CHD6: variants seen among roughly 807,000 people sequenced by gnomAD.
The protein encoded by CHD6 is chromodomain helicase DNA binding protein 6.
A neutral mutation model predicts 276.9 loss-of-function variants in CHD6; 50 were observed. The observed-to-expected ratio is 0.18, with a 90% CI of 0.14 to 0.23. The LOEUF is 0.23. Among genes scored for constraint, CHD6 ranks in the 10% least tolerant of loss-of-function variants. CHD6 has a pLI of 1.00. For synonymous variants in CHD6, 1,173 were observed against 1,229.3 expected, an observed-to-expected ratio of 0.95 and a Z score of 0.96; for missense variants, 2,564 against 3,365.8, an observed-to-expected ratio of 0.76 and a Z score of 5.89.
chr20:41,607,310 T>G (rs1451579096), intron 1 of CHD6, among the ~76,000 whole-genome samples: 3 of 152,232 alleles, frequency 2.0e-5, no homozygotes, highest in Admixed American at 2.0e-4. Context: ...TCCTTCTTCT[T>G]GAGTCTTAAC....
chr20:41,528,663 A>C (rs983257810), intron 3 of CHD6, among the ~76,000 whole-genome samples: 1 of 152,186 alleles, frequency 6.6e-6, no homozygotes, highest in African/African-American at 2.4e-5. Context: ...TCTAAAAAAA[A>C]TAATAATAAT....
intron 1 of CHD6, among the ~76,000 whole-genome samples, chr20:41,560,488 G>C (rs1412978947): frequency 3.3e-5 from 5 of 152,162 alleles, no homozygotes; most frequent in Non-Finnish European, 7.3e-5. Context: ...TCTTGTGATA[G>C]GCACTAAACT....
chr20:41,567,704 C>A (rs1380943868), intron 1 of CHD6, among the ~76,000 whole-genome samples: 3 of 152,154 alleles, frequency 2.0e-5, no homozygotes, highest in African/African-American at 7.2e-5. Context: ...CTTAACGTGC[C>A]TGGGCTCTGC....
At chr20:41,593,275 G>A (rs2045683310) in intron 1 of CHD6, among the ~76,000 whole-genome samples, 1 of 150,794 alleles carries the variant, frequency 6.6e-6, no homozygotes, top group African/African-American at 2.4e-5. Flanking sequence ...AGTTATAAAA[G>A]TTATGAAATT....
Position 41,445,642 on chromosome 20 carries a change from A to G in CHD6, c.3877+23T>C, listed in dbSNP as rs1367486553. On this transcript the variant is annotated intron_variant, in intron 25 of 36. Coordinates refer to ENST00000373233, the MANE Select transcript of CHD6 (RefSeq NM_032221.5). ...CCTGGGGGAAACTGATACAGAAGGG[A>G]ACGCCTTCAGAGAAATACACACCAT... 4.0e-6 allele frequency: 6 copies of G among 1,518,516 alleles called. No individual in the cohort carries two copies. In the East Asian group the frequency reaches 1.4e-4, roughly 34 times the overall value. The allele number at this position is 1,518,516 out of a possible 1,614,324, so 94.1% of individuals were successfully genotyped here.
intron 2 of CHD6, among the ~76,000 whole-genome samples, chr20:41,542,144 T>C (rs2044954663): frequency 6.6e-6 from 1 of 152,232 alleles, no homozygotes. Flanking sequence ...TCTGCCTAAG[T>C]GGAATGATGT....
At chr20:41,591,541 A>C (rs1372390881) in intron 1 of CHD6, among the ~76,000 whole-genome samples, 1 of 151,936 alleles carries the variant, frequency 6.6e-6, no homozygotes, top group Non-Finnish European at 1.5e-5. Flanking sequence ...AAAATAAAAA[A>C]AATTAGCTGG....
chr20:41,588,499 T>A (rs977586209), intron 1 of CHD6, among the ~76,000 whole-genome samples: 1 of 152,100 alleles, frequency 6.6e-6, no homozygotes, highest in Non-Finnish European at 1.5e-5. Flanking sequence ...AACATCCCAC[T>A]GGGCCAAGGT....
chr20:41,424,279 A>C (rs2047290897), intron 29 of CHD6, among the ~76,000 whole-genome samples: 1 of 152,202 alleles, frequency 6.6e-6, no homozygotes, highest in Non-Finnish European at 1.5e-5. Context: ...TCTCTGGGAC[A>C]CAAAGGTCCT....
In CHD6 at chr20:41,576,596, C is replaced by G. The variant is rs2045476869; in HGVS notation, c.-23-25236G>C. Among the ~76,000 whole-genome samples the G allele has an allele frequency of 1.3e-5, 2 of 152,130 alleles. 1 individual carries two copies. The highest frequency in any genetic ancestry group is 4.2e-4 in the South Asian group (2 of 4,814). ...GGCTGAGGCACAAGAATCACTTGAA[C>G]CCAGGAGGCAGAGGTTGCAGTGAGC... On this transcript the variant is annotated intron_variant, in intron 1 of 36. Transcript: ENST00000373233.
intron 2 of CHD6, among the ~76,000 whole-genome samples, chr20:41,540,118 T>TTTAC (rs1156251253): frequency 2.0e-5 from 3 of 152,236 alleles, no homozygotes; most frequent in Admixed American, 6.5e-5. Flanking sequence ...ATGAGTAGAA[T>TTTAC]GTAAGCTTCC....
At chr20:41,467,706 GT>G (rs974373742) in intron 17 of CHD6, among the ~76,000 whole-genome samples, 3 of 151,880 alleles carry the variant, frequency 2.0e-5, no homozygotes, top group African/African-American at 7.3e-5. Flanking sequence ...CCTCTCTGGG[GT>G]TAAATCTGTC....
chr20:41,454,781 CA>C, intron 19 of CHD6, 45 bp from the exon 20 acceptor site: 1 of 1,367,552 alleles, frequency 7.3e-7, no homozygotes, highest in Non-Finnish European at 1.0e-6. Flanking sequence ...GAACACAATA[CA>C]AACTAATAAA....
intron 1 of CHD6, among the ~76,000 whole-genome samples, chr20:41,591,379 T>TACACACACAGAC (rs1555810930): frequency 6.9e-6 from 1 of 144,100 alleles, no homozygotes; most frequent in African/African-American, 2.6e-5. Context: ...TATATATATA[T>TACACACACAGAC]ACACACACAC....
intron 36 of CHD6, among the ~76,000 whole-genome samples, chr20:41,409,670 C>A (rs752313622): frequency 6.6e-6 from 1 of 152,118 alleles, no homozygotes; most frequent in Non-Finnish European, 1.5e-5. Flanking sequence ...AACACAACAA[C>A]CAGCTCTAAA....
intron 26 of CHD6, among the ~76,000 whole-genome samples, chr20:41,438,299 T>G (rs961812733): frequency 6.6e-6 from 1 of 152,170 alleles, no homozygotes; most frequent in Admixed American, 6.5e-5. Context: ...TTTTAAAAAC[T>G]GACTTTGAGG....
intron 1 of CHD6, among the ~76,000 whole-genome samples, chr20:41,600,793 A>G (rs1184921823): frequency 1.3e-5 from 2 of 152,174 alleles, no homozygotes; most frequent in Non-Finnish European, 2.9e-5. Context: ...TAAGCTAACC[A>G]CCACCATCAC....
Position 41,445,738 on chromosome 20 carries a change from G to A in CHD6, c.3804C>T (p.Asp1268=), listed in dbSNP as rs1227402510. The change falls in exon 25 of 37, where the codon GAC becomes GAT. Residue 1268 remains aspartate (D), a synonymous_variant. Transcript: ENST00000373233. The part of the protein sequence containing the change: ...RELDVPLPDI[D]YMEIPVDWWD... ...ACCAGTCCACTGGGATCTCCATGTAGTCGATGTCAGGCAGAGGTACATCCA... is the reference window on the plus strand; with the variant it reads ...ACCAGTCCACTGGGATCTCCATGTAATCGATGTCAGGCAGAGGTACATCCA... The A allele has an allele frequency of 5.6e-6, 9 of 1,613,410 alleles. No homozygotes were observed. The highest frequency in any genetic ancestry group is 1.3e-5 in the African/African-American group (1 of 74,908).
At chr20:41,537,513 T>C (rs1482397940) in intron 2 of CHD6, among the ~76,000 whole-genome samples, 3 of 152,224 alleles carry the variant, frequency 2.0e-5, no homozygotes, top group African/African-American at 7.2e-5. Flanking sequence ...TGTAAGGCGT[T>C]AGAACAATCC....
Sources: allele counts gnomAD v4.1 joint callset (sites outside exome capture counted in the v4.1 genomes callset), GRCh38; gene constraint gnomAD v4.1.1; transcripts MANE v1.5; gene names NCBI Gene and HGNC (gene_info 2026-07-23, HGNC 2026-07-21).